The following ABLIM2 variants were observed in gnomAD, a reference collection of about 807,000 sequenced individuals.
ABLIM2 encodes the protein actin-binding LIM protein 2.
ABLIM2 carries 53 observed loss-of-function variants against 97.7 expected under a neutral mutation model. The ratio of observed to expected loss-of-function variants is 0.54; its 90% CI spans 0.44 to 0.68. The LOEUF (loss-of-function observed/expected upper bound fraction) is 0.68, where lower values mean the gene tolerates loss of function less well. Among genes scored for constraint, ABLIM2 ranks in the 30% least tolerant of loss-of-function variants. The pLI is 0.00. For missense variants in ABLIM2, 835 were observed against 867.2 expected (o/e 0.96, Z 0.47); for synonymous variants, 361 against 345.8 (o/e 1.04, Z -0.49).
At chr4:8,011,837 G>A (rs1384067920) in intron 14 of ABLIM2, among the ~76,000 whole-genome samples, 1 of 152,172 alleles carries the variant, frequency 6.6e-6, no homozygotes, top group Non-Finnish European at 1.5e-5. Flanking sequence ...GCATCTGAAT[G>A]AAAGTAAGAG....
At chr4:8,029,525 C>A in intron 11 of ABLIM2, 131 bp downstream of exon 11, 1 of 1,202,860 alleles carries the variant, frequency 8.3e-7, no homozygotes, top group South Asian at 2.1e-5. Context: ...GCAATCCCAC[C>A]CATTTCCATC....
intron 6 of ABLIM2, among the ~76,000 whole-genome samples, chr4:8,074,365 T>C (rs956775877): frequency 1.3e-5 from 2 of 152,102 alleles, no homozygotes; most frequent in Non-Finnish European, 2.9e-5. Context: ...TGAGGAAGTA[T>C]TGCTTGAGCT....
At chr4:8,156,464 C>T (rs781223124) in intron 1 of ABLIM2, among the ~76,000 whole-genome samples, 2 of 152,204 alleles carry the variant, frequency 1.3e-5, no homozygotes, top group Middle Eastern at 3.2e-3. Flanking sequence ...GCTCTGGCCA[C>T]CTGAAATCAA....
Position 8,148,482 on chromosome 4 carries a change from C to T in ABLIM2, c.10+10198G>A, listed in dbSNP as rs904239665. Among the ~76,000 whole-genome samples the T allele has an allele frequency of 3.3e-5, 5 of 152,104 alleles. No individual in the cohort carries two copies. The highest frequency in any genetic ancestry group is 7.4e-5 in the Non-Finnish European group (5 of 68,010). On this transcript the variant is annotated intron_variant, in intron 1 of 20. Coordinates refer to ENST00000447017, the MANE Select transcript of ABLIM2 (RefSeq NM_001130083.2). The surrounding 1 kb of genome is among the most constrained non-coding windows in gnomAD (Gnocchi z 6.7). Reference sequence around the variant, plus strand: ...TGCAGCTGGCACGGTGCTTCTCAGCCGAATCACCTCGGGAGAGTTACCTAA... The same window carrying T: ...TGCAGCTGGCACGGTGCTTCTCAGCTGAATCACCTCGGGAGAGTTACCTAA...
chr4:8,124,255 T>TA lies in ABLIM2; in HGVS notation c.11-17619dup, dbSNP rs927352660. Among the ~76,000 whole-genome samples the TA allele has an allele frequency of 2.6e-5, 4 of 152,236 alleles. No homozygotes were observed. Among genetic ancestry groups the TA allele is most frequent in the Non-Finnish European group, 5.9e-5 (4 of 68,044 alleles). ...GCTCGGTGCACACATCTGAAAATCATAACTTCATTGAGATATAATTCACAT... is the reference window on the plus strand; with the variant it reads ...GCTCGGTGCACACATCTGAAAATCATAAACTTCATTGAGATATAATTCACAT... On this transcript the variant is annotated intron_variant, in intron 1 of 20. Transcript: ENST00000447017. The surrounding 1 kb of genome is among the most constrained non-coding windows in gnomAD (Gnocchi z 6.1).
intron 10 of ABLIM2, among the ~76,000 whole-genome samples, chr4:8,034,797 G>C (rs1246378132): frequency 1.2e-5 from 1 of 85,456 alleles, no homozygotes; most frequent in Non-Finnish European, 2.4e-5. Context: ...GTGGGTGGTG[G>C]GTGGTAGGTA....
At chr4:8,143,482 A>C (rs1351087005) in intron 1 of ABLIM2, among the ~76,000 whole-genome samples, 2 of 148,046 alleles carry the variant, frequency 1.4e-5, no homozygotes, top group Non-Finnish European at 3.0e-5. Flanking sequence ...TCAAACACAT[A>C]CTCTCCCTCC....
rs896314790 is a variant in ABLIM2 at position 8,033,520 on chromosome 4, A to T, written c.1047+2629T>A. The stretch of plus-strand genomic sequence containing the variant: ...TCTGTATGGACACACCTGACCCAGG[A>T]GCCCAGCCCTGTCCACCTGCCGAGG... On this transcript the variant is annotated intron_variant, in intron 10 of 20. Transcript: ENST00000447017. This position sits in a 1 kb window ranked among gnomAD's most constrained non-coding sequence, Gnocchi z 4.5. 6.6e-6 allele frequency among the ~76,000 whole-genome samples: 1 copy of T among 152,194 alleles called. No individual in the cohort carries two copies. Among genetic ancestry groups the T allele is most frequent in the Admixed American group, 6.5e-5 (1 of 15,290 alleles).
chr4:8,043,595 A>C lies in ABLIM2; in HGVS notation c.900+1569T>G, dbSNP rs1579583770. Among the ~76,000 whole-genome samples, 5 of 152,212 alleles carry C rather than the reference A, an allele frequency of 3.3e-5. No homozygotes were observed. The South Asian group carries it at 1.0e-3, about 32-fold the overall frequency. On this transcript the variant is annotated intron_variant, in intron 9 of 20. Coordinates refer to ENST00000447017, the MANE Select transcript of ABLIM2 (RefSeq NM_001130083.2). The surrounding 1 kb of genome is among the most constrained non-coding windows in gnomAD (Gnocchi z 4.8). The stretch of plus-strand genomic sequence containing the variant: ...GGAAGAAATCAGGACCCGGATGCAC[A>C]CAGATGACCCGTGATGATGCAAGGA...
chr4:8,041,964 CCAACAACAACAGCAG>C (rs1198781122), intron 9 of ABLIM2, among the ~76,000 whole-genome samples: 118 of 152,128 alleles, frequency 7.8e-4, no homozygotes, highest in African/African-American at 2.6e-3. Context: ...CGTGCAGGTT[CCAACAACAACAGCAG>C]CAACAACAGC....
At chr4:8,151,533 C>G (rs1712763989) in intron 1 of ABLIM2, among the ~76,000 whole-genome samples, 1 of 152,306 alleles carries the variant, frequency 6.6e-6, no homozygotes, top group African/African-American at 2.4e-5. Flanking sequence ...CCAAGTACTG[C>G]TCACCCAGCT....
intron 2 of ABLIM2, among the ~76,000 whole-genome samples, chr4:8,098,259 A>T (rs1312129442): frequency 6.6e-6 from 1 of 152,186 alleles, no homozygotes; most frequent in South Asian, 2.1e-4. Context: ...TGCTGGGTCA[A>T]TGCAGCTTAC....
chr4:8,000,180 GA>G (rs1194113577), intron 16 of ABLIM2, among the ~76,000 whole-genome samples: 2 of 152,146 alleles, frequency 1.3e-5, no homozygotes, highest in Non-Finnish European at 2.9e-5. Flanking sequence ...GAGCAGTGGT[GA>G]ATGAGAGGCC....
At chr4:8,042,953 C>A (rs763672883) in intron 9 of ABLIM2, among the ~76,000 whole-genome samples, 2 of 151,722 alleles carry the variant, frequency 1.3e-5, no homozygotes, top group African/African-American at 4.8e-5. Flanking sequence ...GAGTTCAAGA[C>A]CAGCCCGGGC....
intron 19 of ABLIM2, 23 bp from the exon 20 acceptor site, chr4:7,983,367 G>A: frequency 6.2e-7 from 1 of 1,607,274 alleles, no homozygotes. Flanking sequence ...GAAACCACAG[G>A]GTCACCTCAC....
rs1053348178 is a variant in ABLIM2, at chr4:8,003,907, G to A, written c.1618+4152C>T. Among the ~76,000 whole-genome samples, 6 of 152,032 alleles carry A rather than the reference G, an allele frequency of 3.9e-5. No homozygotes were observed. The highest frequency in any genetic ancestry group is 1.2e-4 in the African/African-American group (5 of 41,386). On this transcript the variant is annotated intron_variant, in intron 16 of 20. Transcript: ENST00000447017. This position sits in a 1 kb window ranked among gnomAD's most constrained non-coding sequence, Gnocchi z 4.2. ...ATGTCTGCATATTCCATACCTAGGG[G>A]GTCTCACGTCTCTAAGCCTGAGGCC... is the stretch of plus-strand genomic sequence containing the variant.
rs1330202815 is a variant in ABLIM2 at position 8,069,654 on chromosome 4, G to GTCTGTGTGCATT, written c.675+7962_675+7973dup. Among the ~76,000 whole-genome samples the GTCTGTGTGCATT allele has an allele frequency of 6.6e-6, 1 of 152,032 alleles. No homozygotes were observed. The highest frequency in any genetic ancestry group is 1.5e-5 in the Non-Finnish European group (1 of 67,986). On this transcript the variant is annotated intron_variant, in intron 6 of 20. Transcript: ENST00000447017. This position sits in a 1 kb window ranked among gnomAD's most constrained non-coding sequence, Gnocchi z 4.2. ...GTGCATCGTGTGTGCTGTCTTGGTT[G>GTCTGTGTGCATT]TCTGTGTGCATTTCTGTGTGTCTCT...
In ABLIM2 at chr4:8,021,561, G is replaced by A. The variant is rs770493865; in HGVS notation, c.1268-1258C>T. Among the ~76,000 whole-genome samples, 13 of 152,180 alleles carry A rather than the reference G, an allele frequency of 8.5e-5. No individual in the cohort carries two copies. The highest frequency in any genetic ancestry group is 1.9e-4 in the Non-Finnish European group (13 of 68,032). ...AGCAGCAGGACCCTGCGGTGACATC[G>A]AAATGAAACAGAAATAGAACTTCTG... On this transcript the variant is annotated intron_variant, in intron 12 of 20. Coordinates refer to ENST00000447017, the MANE Select transcript of ABLIM2 (RefSeq NM_001130083.2). The surrounding 1 kb of genome is among the most constrained non-coding windows in gnomAD (Gnocchi z 5.5).
At chr4:8,006,886 G>A (rs1761779917) in intron 16 of ABLIM2, 1 of 413,134 alleles carries the variant, frequency 2.4e-6, no homozygotes, top group Non-Finnish European at 3.3e-6. Context: ...CAGGGGGGGG[G>A]TGGCTTTCCC....
Sources: allele counts gnomAD v4.1 joint callset (sites outside exome capture counted in the v4.1 genomes callset), GRCh38; gene constraint gnomAD v4.1.1; non-coding constraint Gnocchi (gnomAD v3.1); transcripts MANE v1.5; gene names NCBI Gene and HGNC (gene_info 2026-07-23, HGNC 2026-07-21).